Variants in SOX5 observed in about 807,000 individuals in gnomAD.
The protein encoded by SOX5 is SRY-box transcription factor 5.
SOX5 carries 9 observed loss-of-function variants against 92.0 expected under a neutral mutation model. That is an observed-to-expected ratio of 0.10 (90% CI 0.06 to 0.17). SOX5 has a LOEUF of 0.17. Ranked by LOEUF, SOX5 falls within the 10% of genes least tolerant of loss-of-function variation. The pLI, the probability that SOX5 is intolerant of heterozygous loss-of-function variation, is 1.00. For missense variants in SOX5, 642 were observed against 944.5 expected (o/e 0.68, Z 4.20); for synonymous variants, 344 against 336.3 (o/e 1.02, Z -0.25).
intron 8 of SOX5, among the ~76,000 whole-genome samples, chr12:23,627,978 C>T (rs556013169): frequency 1.3e-5 from 2 of 152,026 alleles, no homozygotes; most frequent in Non-Finnish European, 2.9e-5. Context: ...GTATTTAATG[C>T]TAGGCTTGTA....
chr12:24,476,219 T>A (rs997443606), intron 1 of SOX5, among the ~76,000 whole-genome samples: 1 of 152,236 alleles, frequency 6.6e-6, no homozygotes, highest in Non-Finnish European at 1.5e-5. Flanking sequence ...AATCCTTGTA[T>A]GTCTGTTGAA....
intron 4 of SOX5, among the ~76,000 whole-genome samples, chr12:23,977,059 A>C (rs1949002562): frequency 6.6e-6 from 1 of 152,196 alleles, no homozygotes; most frequent in South Asian, 2.1e-4. Context: ...CCTTATGGAA[A>C]TATCATTAAG....
In SOX5 at chr12:24,202,213, C is replaced by T. The variant is rs139262725; in HGVS notation, c.-2+11130G>A. Among the ~76,000 whole-genome samples, 732 of 152,308 alleles carry T rather than the reference C, an allele frequency of 4.8e-3. 4 individuals carry two copies. Among genetic ancestry groups the T allele is most frequent in the Middle Eastern group, 0.014 (4 of 294 alleles). On this transcript the variant is annotated intron_variant, in intron 4 of 4. Transcript: ENST00000446891. ...AGTTCACAGTGTAACATACCTATCACTCTATTACAATTCTCCTTTCTTCCT... is the reference window on the plus strand; with the variant it reads ...AGTTCACAGTGTAACATACCTATCATTCTATTACAATTCTCCTTTCTTCCT...
At chr12:23,760,619 C>A (rs1164960227) in intron 3 of SOX5, among the ~76,000 whole-genome samples, 1 of 152,036 alleles carries the variant, frequency 6.6e-6, no homozygotes, top group Non-Finnish European at 1.5e-5. Context: ...AATGGCCCCC[C>A]CCAACTGTGC....
chr12:24,265,608 A>G (rs2049210), intron 3 of SOX5, among the ~76,000 whole-genome samples: 143,984 of 152,314 alleles, frequency 0.95, 68,614 homozygotes, highest in East Asian at 1. Context: ...TAAAAGTGAT[A>G]TGCATTTTTC....
intron 4 of SOX5, among the ~76,000 whole-genome samples, chr12:23,990,361 G>A (rs1950456748): frequency 6.6e-6 from 1 of 152,084 alleles, no homozygotes. Context: ...TGGCAATCAA[G>A]GACCTTGACG....
chr12:23,728,192 A>G (rs2093239522), intron 6 of SOX5, among the ~76,000 whole-genome samples: 1 of 152,200 alleles, frequency 6.6e-6, no homozygotes, highest in African/African-American at 2.4e-5. Flanking sequence ...CTACTTCTTT[A>G]TATCTCCATA....
intron 4 of SOX5, among the ~76,000 whole-genome samples, chr12:23,982,672 C>T (rs891012350): frequency 4.6e-5 from 7 of 151,520 alleles, no homozygotes. Context: ...ATACACAAAT[C>T]ACATATATAT....
chr12:24,310,758 G>A (rs959440254), intron 2 of SOX5, among the ~76,000 whole-genome samples: 1 of 152,092 alleles, frequency 6.6e-6, no homozygotes, highest in African/African-American at 2.4e-5. Context: ...GTATGGTCAA[G>A]TCATATGACA....
chr12:24,398,665 T>C (rs907679620), intron 1 of SOX5, among the ~76,000 whole-genome samples: 1 of 152,158 alleles, frequency 6.6e-6, no homozygotes, highest in African/African-American at 2.4e-5. Flanking sequence ...AAAGATGCAT[T>C]AATAGTAGCA....
At chr12:24,211,295 T>C (rs766713973) in intron 4 of SOX5, among the ~76,000 whole-genome samples, 1 of 152,236 alleles carries the variant, frequency 6.6e-6, no homozygotes, top group Non-Finnish European at 1.5e-5. Context: ...ATCTCTGCTT[T>C]ATTTTTCTTC....
chr12:24,160,604 TA>T (rs1952658123), intron 4 of SOX5, among the ~76,000 whole-genome samples: 5 of 151,946 alleles, frequency 3.3e-5, no homozygotes, highest in African/African-American at 1.2e-4. Flanking sequence ...GAAGGAAGGT[TA>T]AAGATAAAGA....
chr12:24,341,514 C>A (rs1275373846), intron 2 of SOX5, among the ~76,000 whole-genome samples: 2 of 152,130 alleles, frequency 1.3e-5, no homozygotes, highest in South Asian at 4.1e-4. Context: ...TTTATTGATT[C>A]TTTACTTTTA....
At chr12:24,014,344 A>G (rs1182773921) in intron 4 of SOX5, among the ~76,000 whole-genome samples, 2 of 152,146 alleles carry the variant, frequency 1.3e-5, no homozygotes, top group Admixed American at 1.3e-4. Flanking sequence ...ATGAGGGAGA[A>G]AGCATTATGC....
rs138704105 is a variant in SOX5, at chr12:24,393,904, A to C, written c.-250-25265T>G. Among the ~76,000 whole-genome samples, 615 of 152,352 alleles carry C rather than the reference A, an allele frequency of 4.0e-3. 5 individuals are homozygous for C. The highest frequency in any genetic ancestry group is 0.014 in the African/African-American group (577 of 41,588). ...ATTTTACATAGAATGGTTTGTATGC[A>C]CACCTACATGAAGATAAAGATGGCA... is the stretch of plus-strand genomic sequence containing the variant. On this transcript the variant is annotated intron_variant, in intron 1 of 4. Transcript: ENST00000446891. The surrounding 1 kb of genome is among the most constrained non-coding windows in gnomAD (Gnocchi z 5.0).
chr12:23,665,849 G>C (rs1408066312), intron 6 of SOX5, among the ~76,000 whole-genome samples: 2 of 152,214 alleles, frequency 1.3e-5, no homozygotes, highest in Admixed American at 1.3e-4. Context: ...TACTTTGCAT[G>C]ATAAGCCTTT....
intron 2 of SOX5, among the ~76,000 whole-genome samples, chr12:24,302,526 A>G (rs1948094427): frequency 6.6e-6 from 1 of 152,132 alleles, no homozygotes; most frequent in Admixed American, 6.5e-5. Flanking sequence ...GCTCTGAAAA[A>G]GTATAAAGAG....
At chr12:24,177,898 T>C (rs1453943478) in intron 4 of SOX5, among the ~76,000 whole-genome samples, 7 of 152,206 alleles carry the variant, frequency 4.6e-5, no homozygotes. Flanking sequence ...TTTTAGTGTG[T>C]GTGTTTCAAT....
chr12:23,811,632 A>C (rs915494444), intron 3 of SOX5, among the ~76,000 whole-genome samples: 2 of 152,094 alleles, frequency 1.3e-5, no homozygotes, highest in African/African-American at 4.8e-5. Context: ...CTATGTTGAG[A>C]GGCAAAATTG....
Sources: gnomAD v4.1 joint callset for allele counts (sites outside exome capture counted in the v4.1 genomes callset) on GRCh38, gnomAD v4.1.1 for gene constraint, Gnocchi (gnomAD v3.1) non-coding constraint, MANE v1.5 for transcripts, NCBI Gene and HGNC (gene_info 2026-07-23, HGNC 2026-07-21) for gene names.